Variants in FLT3 observed in about 807,000 individuals in gnomAD.
FLT3 encodes the protein fms related receptor tyrosine kinase 3.
Under a neutral mutation model 126.6 loss-of-function variants are expected in FLT3, and 46 were observed. The ratio of observed to expected loss-of-function variants is 0.36; its 90% CI spans 0.29 to 0.46. FLT3 has a LOEUF of 0.46. FLT3 is among the 20% of genes least tolerant of loss of function. FLT3 has a pLI of 1.00. For missense variants in FLT3, 1,069 were observed against 1,190.3 expected (o/e 0.90, Z 1.50); for synonymous variants, 404 against 434.4 (o/e 0.93, Z 0.87).
At chr13:28,017,975 G>A (rs1872037081) in intron 20 of FLT3, among the ~76,000 whole-genome samples, 1 of 152,112 alleles carries the variant, frequency 6.6e-6, no homozygotes, top group South Asian at 2.1e-4. Context: ...ATTCACTCAT[G>A]TTTTAGATCT....
intron 2 of FLT3, among the ~76,000 whole-genome samples, chr13:28,066,954 C>T (rs1365132058): frequency 1.3e-5 from 2 of 152,308 alleles, no homozygotes; most frequent in Admixed American, 1.3e-4. Flanking sequence ...GATCAAGGTT[C>T]ACATCTTCAT....
At chr13:28,081,526 T>G (rs148698123) in intron 1 of FLT3, among the ~76,000 whole-genome samples, 2,590 of 152,300 alleles carry the variant, frequency 0.017, 54 homozygotes, top group Middle Eastern at 0.027. Flanking sequence ...ATTTTCTACA[T>G]AGGTTATCAT....
Position 28,072,040 on chromosome 13 carries a change from T to C in FLT3, c.44-1428A>G, listed in dbSNP as rs776425115. Among the ~76,000 whole-genome samples the C allele has an allele frequency of 8.3e-4, 126 of 151,950 alleles. 3 individuals are homozygous for C. The highest frequency in any genetic ancestry group is 2.5e-4 in the Non-Finnish European group (17 of 67,998). On this transcript the variant is annotated intron_variant, in intron 1 of 23. Transcript: ENST00000241453. ...TCCACCCTCTTTGTCTTTCTATGTT[T>C]ATATCTTTGTTTCTTTGGGGGTATT...
At chr13:28,072,463 C>T (rs1226500246) in intron 1 of FLT3, among the ~76,000 whole-genome samples, 1 of 152,018 alleles carries the variant, frequency 6.6e-6, no homozygotes, top group Non-Finnish European at 1.5e-5. Context: ...GTGGCACGAT[C>T]ACTGCTCACT....
rs866328633 is a variant in FLT3, at chr13:28,085,368, A to G, written c.44-14756T>C. On this transcript the variant is annotated intron_variant, in intron 1 of 23. Coordinates refer to ENST00000241453, the MANE Select transcript of FLT3 (RefSeq NM_004119.3). ...CAAAAAAAAAAAAAAAAAAAAAAAA[A>G]GAAAAGAAAAAAGAGGTGCATTTGA... is the stretch of plus-strand genomic sequence containing the variant. 1.2e-4 allele frequency among the ~76,000 whole-genome samples: 18 copies of G among 144,260 alleles called. No individual in the cohort carries two copies. The East Asian group carries it at 3.6e-3, about 29-fold the overall frequency. 94.6% of individuals were successfully genotyped at this position (144,260 alleles called of 152,430 possible). A position where few individuals can be genotyped will look rare whatever the true frequency, so the allele number is the denominator to read the frequency against.
chr13:28,069,868 C>A (rs1877349534), intron 2 of FLT3, among the ~76,000 whole-genome samples: 2 of 152,104 alleles, frequency 1.3e-5, no homozygotes, highest in Admixed American at 6.6e-5. Flanking sequence ...AATCCCAGCA[C>A]TTTGGGAGGC....
chr13:28,003,880 CA>C lies in FLT3; in HGVS notation c.*171del. The C allele has an allele frequency of 1.4e-6, 1 of 703,710 alleles. No homozygotes were observed. Among genetic ancestry groups the C allele is most frequent in the Non-Finnish European group, 2.3e-6 (1 of 429,832 alleles). 43.6% of individuals were successfully genotyped at this position (703,710 alleles called of 1,614,324 possible). Reference sequence around the variant, plus strand: ...CTTGTGACAGGATGATTTGATTTTACAAAAGTCCCTTTGAAAACAAGAGTAA... The same window carrying C: ...CTTGTGACAGGATGATTTGATTTTACAAAGTCCCTTTGAAAACAAGAGTAA... On this transcript the variant is annotated 3_prime_UTR_variant, in exon 24 of 24. Transcript: ENST00000241453.
chr13:28,016,532 G>C (rs1415840632), intron 20 of FLT3, among the ~76,000 whole-genome samples: 3 of 152,144 alleles, frequency 2.0e-5, no homozygotes, highest in Non-Finnish European at 4.4e-5. Context: ...GCCTCCCAAA[G>C]TGCTGGGATT....
Position 28,100,375 on chromosome 13 carries a change from G to GC in FLT3, c.43+92_43+93insG. 2 of 893,892 alleles carry GC rather than the reference G, an allele frequency of 2.2e-6. No individual in the cohort carries two copies. The highest frequency in any genetic ancestry group is 2.9e-6 in the Non-Finnish European group (2 of 684,556). 55.4% of individuals were successfully genotyped at this position (893,892 alleles called of 1,614,324 possible). On this transcript the variant is annotated intron_variant, in intron 1 of 23. Transcript: ENST00000241453. The surrounding 1 kb of genome is among the most constrained non-coding windows in gnomAD (Gnocchi z 4.8). ...GAGCGAGCGCGGGGAGGAGCGAGGC[G>GC]GCTGGGCCGGAGGAGGCGCGCGCCC...
chr13:28,054,647 A>G (rs920594628), intron 4 of FLT3, among the ~76,000 whole-genome samples: 4 of 152,214 alleles, frequency 2.6e-5, no homozygotes, highest in Non-Finnish European at 4.4e-5. Flanking sequence ...GGAACTGCAA[A>G]CTGACCAATC....
Position 28,003,813 on chromosome 13 carries a change from C to T in FLT3, c.*239G>A, listed in dbSNP as rs1391941795. On this transcript the variant is annotated 3_prime_UTR_variant, in exon 24 of 24. Coordinates refer to ENST00000241453, the MANE Select transcript of FLT3 (RefSeq NM_004119.3). ...AGCCAGCCTGAGAAGGCCTTGGATGCAGATCAATGCTCCAATAAAGTTCAT... is the reference window on the plus strand; with the variant it reads ...AGCCAGCCTGAGAAGGCCTTGGATGTAGATCAATGCTCCAATAAAGTTCAT... 5 of 522,012 alleles carry T rather than the reference C, an allele frequency of 9.6e-6. No homozygotes were observed. Among genetic ancestry groups the T allele is most frequent in the South Asian group, 5.2e-5 (2 of 38,772 alleles). 32.3% of individuals were successfully genotyped at this position (522,012 alleles called of 1,614,324 possible). A position where few individuals can be genotyped will look rare whatever the true frequency, so the allele number is the denominator to read the frequency against.
intron 2 of FLT3, 133 bp downstream of exon 2, chr13:28,070,358 G>T: frequency 1.5e-6 from 1 of 675,354 alleles, no homozygotes; most frequent in East Asian, 2.6e-5. Context: ...TGCTCTGTTG[G>T]TACCAGATGT....
intron 1 of FLT3, among the ~76,000 whole-genome samples, chr13:28,083,027 G>A (rs1593299109): frequency 1.3e-5 from 2 of 151,166 alleles, no homozygotes; most frequent in South Asian, 4.2e-4. Flanking sequence ...TTTTTGTAGA[G>A]ATGAAGTTTC....
chr13:28,049,525 C>T lies in FLT3; in HGVS notation c.895G>A (p.Glu299Lys). ...NKALEEGNYF[E>K]MSTYSTNRTM... ...CTGTTTGTTGAATAGGTACTCATCT[C>T]AAAGTAGTTGCCCTAGGTTTTAATA... Residue 299 changes from glutamate to lysine, a missense_variant, in exon 8 of 24, where the codon GAG becomes AAG. By Grantham distance (56) the Glu-to-Lys change is moderately conservative. Coordinates refer to ENST00000241453, the MANE Select transcript of FLT3 (RefSeq NM_004119.3). 1 of 1,613,734 alleles carries T rather than the reference C, an allele frequency of 6.2e-7. No individual in the cohort carries two copies. The highest frequency in any genetic ancestry group is 8.5e-7 in the Non-Finnish European group (1 of 1,179,796).
chr13:28,039,303 G>T (rs1479712183), intron 9 of FLT3, among the ~76,000 whole-genome samples: 1 of 151,978 alleles, frequency 6.6e-6, no homozygotes, highest in East Asian at 1.9e-4. Flanking sequence ...CCAGGTTCAA[G>T]CGATTCTCCT....
At chr13:28,086,072 T>C (rs1392013024) in intron 1 of FLT3, among the ~76,000 whole-genome samples, 3 of 152,266 alleles carry the variant, frequency 2.0e-5, no homozygotes, top group African/African-American at 7.2e-5. Flanking sequence ...TTAGATCATT[T>C]TAACTTACAG....
Position 28,048,316 on chromosome 13 carries a change from T to C in FLT3, c.1164A>G (p.Lys388=), listed in dbSNP as rs1410636940. Residue 388 remains lysine, a synonymous_variant, in exon 9 of 24, where the codon AAA becomes AAG. Transcript: ENST00000241453. ...GACCCTTTTGCTCACAAGGAAATGA[T>C]TTTCGAGAGAAGGTCCACGTACATC... ...QIRCTWTFSR[K]SFPCEQKGLD... The C allele has an allele frequency of 6.2e-7, 1 of 1,614,046 alleles. No homozygotes were observed.
rs770309879 is a variant in FLT3 at position 28,050,239 on chromosome 13, A to C, written c.615-17T>G. 1.9e-6 allele frequency: 3 copies of C among 1,613,146 alleles called. No individual in the cohort carries two copies. Among genetic ancestry groups the C allele is most frequent in the East Asian group, 4.5e-5 (2 of 44,878 alleles). ...TCTTTACAGCTGCAATTAGAAAAGA[A>C]GTACCATTTGGCTAAACAAGTTTTA... is the stretch of plus-strand genomic sequence containing the variant. On this transcript the variant is annotated splice_polypyrimidine_tract_variant and intron_variant, in intron 5 of 23. Transcript: ENST00000241453.
At chr13:28,065,831 G>GTAATAATAATAATAATAATAATAA (rs59880929) in intron 2 of FLT3, among the ~76,000 whole-genome samples, 93 of 126,820 alleles carry the variant, frequency 7.3e-4, no homozygotes, top group African/African-American at 2.6e-3. Flanking sequence ...TTGTCTCAAA[G>GTAATAATAATAATAATAATAATAA]TAATAATAAT....
Sources: allele counts gnomAD v4.1 joint callset (sites outside exome capture counted in the v4.1 genomes callset), GRCh38; gene constraint gnomAD v4.1.1; non-coding constraint Gnocchi (gnomAD v3.1); transcripts MANE v1.5; gene names NCBI Gene and HGNC (gene_info 2026-07-23, HGNC 2026-07-21).